Variants in CFAP61 observed in about 807,000 individuals in gnomAD.
The protein encoded by CFAP61 is cilia and flagella associated protein 61.
Under a neutral mutation model 135.6 loss-of-function variants are expected in CFAP61, and 107 were observed. That is an observed-to-expected ratio of 0.79 (90% confidence interval 0.67 to 0.93). The LOEUF (loss-of-function observed/expected upper bound fraction) is 0.93. Ranked by LOEUF, CFAP61 falls within the 40% of genes least tolerant of loss-of-function variation. CFAP61 has a pLI of 0.00. For missense variants in CFAP61, 1,507 were observed against 1,556.2 expected, an observed-to-expected ratio of 0.97 and a Z score of 0.53; for synonymous variants, 575 against 578.5, an observed-to-expected ratio of 0.99 and a Z score of 0.09.
At chr20:20,177,161 C>A (rs1209341914) in intron 13 of CFAP61, among the ~76,000 whole-genome samples, 1 of 151,682 alleles carries the variant, frequency 6.6e-6, no homozygotes, top group African/African-American at 2.4e-5. Flanking sequence ...TATTTTTTTT[C>A]TATTTATACC....
At chr20:20,074,979 C>G (rs1244893686) in intron 4 of CFAP61, among the ~76,000 whole-genome samples, 1 of 152,052 alleles carries the variant, frequency 6.6e-6, no homozygotes, top group Non-Finnish European at 1.5e-5. Flanking sequence ...TGGGACAGAT[C>G]GAAAAGGGGC....
At chr20:20,086,520 C>T (rs184572151) in intron 6 of CFAP61, among the ~76,000 whole-genome samples, 4 of 151,968 alleles carry the variant, frequency 2.6e-5, no homozygotes, top group South Asian at 2.1e-4. Flanking sequence ...TGGACTTTGC[C>T]GGTTTCTTAG....
intron 25 of CFAP61, among the ~76,000 whole-genome samples, chr20:20,301,423 G>A (rs1209605339): frequency 1.3e-5 from 2 of 152,124 alleles, no homozygotes; most frequent in African/African-American, 4.8e-5. Flanking sequence ...CCAACAACGT[G>A]TTTCTCAGGA....
intron 8 of CFAP61, among the ~76,000 whole-genome samples, chr20:20,137,168 C>T (rs373122641): frequency 1.3e-5 from 2 of 152,196 alleles, no homozygotes; most frequent in Admixed American, 1.3e-4. Flanking sequence ...ACAAAGCACC[C>T]TTGTGGCCAC....
chr20:20,307,047 C>T (rs1019361525), intron 25 of CFAP61, among the ~76,000 whole-genome samples: 1 of 152,194 alleles, frequency 6.6e-6, no homozygotes, highest in Non-Finnish European at 1.5e-5. Context: ...ACCACTGCCA[C>T]CTCTCAGTTA....
chr20:20,228,165 A>G (rs970247582), intron 17 of CFAP61, 84 bp from the exon 18 acceptor site: 2 of 1,262,316 alleles, frequency 1.6e-6, no homozygotes, highest in African/African-American at 2.9e-5. Context: ...CTGGTTAGAT[A>G]ATTCTACATA....
rs144086004 is a variant in CFAP61 at position 20,234,096 on chromosome 20, A to G, written c.2060+5720A>G. ...GTTTGCATTCTTTCAAACCAAGCTG[A>G]AAACAAAGCATTTGGATACAAGTAG... On this transcript the variant is annotated intron_variant, in intron 18 of 26. Transcript: ENST00000245957. 1.4e-3 allele frequency among the ~76,000 whole-genome samples: 211 copies of G among 152,296 alleles called. 1 individual carries two copies. Among genetic ancestry groups the G allele is most frequent in the African/African-American group, 4.9e-3 (204 of 41,550 alleles).
chr20:20,185,874 G>T (rs1265513881), intron 13 of CFAP61, among the ~76,000 whole-genome samples: 1 of 152,092 alleles, frequency 6.6e-6, no homozygotes, highest in Admixed American at 6.5e-5. Context: ...ATCAAATAAA[G>T]ACCTTTTTCT....
intron 9 of CFAP61, among the ~76,000 whole-genome samples, chr20:20,157,573 T>TA (rs986239272): frequency 5.3e-5 from 8 of 152,192 alleles, no homozygotes; most frequent in Non-Finnish European, 1.2e-4. Context: ...TACAAACTTT[T>TA]AAAAAACTCA....
At chr20:20,277,929 G>C (rs907875757) in intron 22 of CFAP61, among the ~76,000 whole-genome samples, 20 of 152,230 alleles carry the variant, frequency 1.3e-4, no homozygotes, top group Non-Finnish European at 4.4e-5. Flanking sequence ...TGAGGGTAGA[G>C]TGGAGAGAGA....
At chr20:20,241,631 G>A (rs2050019049) in intron 18 of CFAP61, among the ~76,000 whole-genome samples, 1 of 152,260 alleles carries the variant, frequency 6.6e-6, no homozygotes, top group East Asian at 1.9e-4. Flanking sequence ...AGTCTTTGTA[G>A]TGAAAGATGT....
intron 25 of CFAP61, chr20:20,323,274 A>C (rs2057605897): frequency 6.1e-6 from 6 of 985,474 alleles, no homozygotes; most frequent in South Asian, 4.7e-5. Context: ...TTTTTCTAAA[A>C]AAGGACAACA....
At position 20,235,062 on chromosome 20, in the gene CFAP61, G is replaced by A. The variant is rs1322411853; in HGVS notation, c.2060+6686G>A. 2.0e-5 allele frequency among the ~76,000 whole-genome samples: 3 copies of A among 152,216 alleles called. No homozygotes were observed. The East Asian group carries it at 5.8e-4, about 29-fold the overall frequency. On this transcript the variant is annotated intron_variant, in intron 18 of 26. Transcript: ENST00000245957. Reference sequence around the variant, plus strand: ...GGCGGGAAGTGGCTGGGGAGCTGGAGTCTCCTCCACGTGGAGGATGCCCTC... The same window carrying A: ...GGCGGGAAGTGGCTGGGGAGCTGGAATCTCCTCCACGTGGAGGATGCCCTC...
At chr20:20,200,051 G>T in intron 17 of CFAP61, 149 bp downstream of exon 17, 5 of 928,160 alleles carry the variant, frequency 5.4e-6, no homozygotes, top group Non-Finnish European at 8.0e-6. Flanking sequence ...GCCCCGCGAA[G>T]GCTCCCCTGC....
intron 17 of CFAP61, among the ~76,000 whole-genome samples, chr20:20,209,830 G>A (rs746943808): frequency 6.6e-6 from 1 of 152,124 alleles, no homozygotes; most frequent in Admixed American, 6.5e-5. Flanking sequence ...GGGAGGGGAG[G>A]TACCTGCTGC....
chr20:20,257,322 A>T (rs2876577), intron 20 of CFAP61, among the ~76,000 whole-genome samples: 68,499 of 152,038 alleles, frequency 0.45, 15,790 homozygotes, highest in East Asian at 0.72. Flanking sequence ...GAAAAGAAAA[A>T]TTAGAACTTC....
intron 9 of CFAP61, among the ~76,000 whole-genome samples, chr20:20,145,577 A>G (rs887103165): frequency 1.3e-5 from 2 of 152,228 alleles, no homozygotes; most frequent in Non-Finnish European, 2.9e-5. Context: ...AAGATCATGT[A>G]TATAAGGCAG....
chr20:20,348,607 A>C (rs1370043575), intron 26 of CFAP61, among the ~76,000 whole-genome samples: 1 of 147,450 alleles, frequency 6.8e-6, no homozygotes, highest in African/African-American at 2.5e-5. Context: ...GGAGAATCTC[A>C]TGAACCCAGG....
intron 8 of CFAP61, among the ~76,000 whole-genome samples, chr20:20,111,138 A>G (rs946677761): frequency 1.3e-5 from 2 of 152,220 alleles, no homozygotes; most frequent in Non-Finnish European, 2.9e-5. Context: ...ATCAAAGATA[A>G]TAAAATTAAT....
Sources: allele counts gnomAD v4.1 joint callset (sites outside exome capture counted in the v4.1 genomes callset), GRCh38; gene constraint gnomAD v4.1.1; transcripts MANE v1.5; gene names NCBI Gene and HGNC (gene_info 2026-07-23, HGNC 2026-07-21).